Variants in CNTNAP3 observed in about 807,000 individuals in gnomAD.
CNTNAP3 encodes contactin associated protein family member 3.
Under a neutral mutation model 92.1 loss-of-function variants are expected in CNTNAP3, and 36 were observed. That is an observed-to-expected ratio of 0.39 (90% CI 0.30 to 0.52). The LOEUF (loss-of-function observed/expected upper bound fraction) is 0.52, where lower values mean the gene tolerates loss of function less well. CNTNAP3 is among the 20% of genes least tolerant of loss of function. The pLI is 0.76. For synonymous variants in CNTNAP3, 232 were observed against 422.3 expected, an observed-to-expected ratio of 0.55 and a Z score of 5.53; for missense variants, 534 against 1,069.6, an observed-to-expected ratio of 0.50 and a Z score of 6.98.
At chr9:39,108,442 G>T (rs1440162448) in intron 15 of CNTNAP3, among the ~76,000 whole-genome samples, 3 of 152,188 alleles carry the variant, frequency 2.0e-5, no homozygotes, top group African/African-American at 7.2e-5. Context: ...AGGCTCCTTG[G>T]TGAACCACCT....
chr9:39,133,250 C>A (rs1821348182), intron 12 of CNTNAP3, 115 bp from the exon 13 acceptor site: 1 of 1,317,974 alleles, frequency 7.6e-7, no homozygotes, highest in Non-Finnish European at 1.0e-6. Flanking sequence ...TACATTACTG[C>A]ATGTTTGCCG....
rs1488182884 is a variant in CNTNAP3, at chr9:39,092,594, A to T, written c.2996-3947T>A. 4.4e-5 allele frequency among the ~76,000 whole-genome samples: 6 copies of T among 137,262 alleles called. 1 individual carries two copies. The highest frequency in any genetic ancestry group is 4.2e-4 in the Admixed American group (6 of 14,218). The allele number at this position is 137,262 out of a possible 152,430, so 90.0% of individuals were successfully genotyped here. A position where few individuals can be genotyped will look rare whatever the true frequency, so the allele number is the denominator to read the frequency against. On this transcript the variant is annotated intron_variant, in intron 18 of 23. Transcript: ENST00000297668. The stretch of plus-strand genomic sequence containing the variant: ...GTGTTTTAAAAAGACCCTTCATATG[A>T]TTTCAATCCTTTTAAATGTGTTGAG...
intron 18 of CNTNAP3, among the ~76,000 whole-genome samples, chr9:39,089,436 G>A: frequency 6.6e-6 from 1 of 152,206 alleles, no homozygotes. Context: ...AGTAATGGAT[G>A]TGCCACATTT....
chr9:39,142,359 G>A (rs1317744517), intron 11 of CNTNAP3, among the ~76,000 whole-genome samples: 1 of 152,026 alleles, frequency 6.6e-6, no homozygotes, highest in African/African-American at 2.4e-5. Context: ...TGGTGTGAGA[G>A]GCCACTCAAC....
At chr9:39,137,959 A>G (rs1190930940) in intron 12 of CNTNAP3, among the ~76,000 whole-genome samples, 1 of 151,532 alleles carries the variant, frequency 6.6e-6, no homozygotes, top group Non-Finnish European at 1.5e-5. Flanking sequence ...TCCCAGGCTC[A>G]AGCGATCCTC....
At position 39,149,985 on chromosome 9, in the gene CNTNAP3, T is replaced by G. The variant is rs1224551513; in HGVS notation, c.1478-8A>C. On this transcript the variant is annotated splice_region_variant and splice_polypyrimidine_tract_variant and intron_variant, in intron 9 of 23. Transcript: ENST00000297668. ...AGCTGTTGTCCAGGCAGCCTAAATA[T>G]GAAGACAAAAATAGGACAAAAGCAA... 6.2e-7 allele frequency: 1 copy of G among 1,611,672 alleles called. No individual in the cohort carries two copies. The highest frequency in any genetic ancestry group is 1.3e-5 in the African/African-American group (1 of 74,946).
chr9:39,091,168 C>CTTTTTTTTT (rs1319060417), intron 18 of CNTNAP3, among the ~76,000 whole-genome samples: 25 of 117,884 alleles, frequency 2.1e-4, no homozygotes, highest in African/African-American at 2.9e-4. Flanking sequence ...TGTTTTTCTT[C>CTTTTTTTTT]TTCTTTTTTT....
At chr9:39,099,106 C>T (rs1188091416) in intron 18 of CNTNAP3, among the ~76,000 whole-genome samples, 1 of 151,972 alleles carries the variant, frequency 6.6e-6, no homozygotes. Flanking sequence ...TCCCGAGTAG[C>T]TGGGATGCCC....
chr9:39,161,753 T>G (rs117116462), intron 9 of CNTNAP3, among the ~76,000 whole-genome samples: 2 of 113,012 alleles, frequency 1.8e-5, no homozygotes, highest in African/African-American at 7.2e-5. Flanking sequence ...GAGGCTGAGG[T>G]GGGGGAACCT....
intron 8 of CNTNAP3, among the ~76,000 whole-genome samples, chr9:39,168,195 T>C (rs1461861339): frequency 7.1e-6 from 1 of 140,544 alleles, no homozygotes; most frequent in East Asian, 2.1e-4. Context: ...TTTTTTGTAT[T>C]TTTAGTAGAG....
rs1387633523 is a variant in CNTNAP3, at chr9:39,065,905, GTAGCTTGACTCTTA to G, written c.*7971_*7984del. ...TGTTGCAAATATTTTCTCCCAGTCT[GTAGCTTGACTCTTA>G]TTCTCTTAACAATGTATTTTAAAAG... is the stretch of plus-strand genomic sequence containing the variant. On this transcript the variant is annotated 3_prime_UTR_variant, in exon 24 of 24. Transcript: ENST00000297668. Among the ~76,000 whole-genome samples the G allele has an allele frequency of 1.3e-5, 2 of 152,142 alleles. No individual in the cohort carries two copies. Among genetic ancestry groups the G allele is most frequent in the Non-Finnish European group, 2.9e-5 (2 of 68,012 alleles).
In CNTNAP3 at chr9:39,084,964, C is replaced by T. The variant is rs576939516; in HGVS notation, c.3442+772G>A. The T allele has an allele frequency of 4.2e-5, 6 of 142,546 alleles. No individual in the cohort carries two copies. In the South Asian group the frequency reaches 1.3e-3, roughly 31 times the overall value. The allele number at this position is 142,546 out of a possible 1,614,324, so 8.8% of individuals were successfully genotyped here. A position where few individuals can be genotyped will look rare whatever the true frequency, so the allele number is the denominator to read the frequency against. ...CATCCTTGAATGAAAACATTAACAC[C>T]TTCAATTCCATGTCTCCTTTATTTG... On this transcript the variant is annotated intron_variant, in intron 21 of 23. Transcript: ENST00000297668.
rs1431238444 is a variant in CNTNAP3 at position 39,069,356 on chromosome 9, T to C, written c.*4534A>G. On this transcript the variant is annotated 3_prime_UTR_variant, in exon 24 of 24. Coordinates refer to ENST00000297668, the MANE Select transcript of CNTNAP3 (RefSeq NM_033655.5). ...ATGTGATATGAGTCATACAAAGTGC[T>C]CATGCAGTCACAGAGGTTCTATTTT... Among the ~76,000 whole-genome samples the C allele has an allele frequency of 2.0e-5, 3 of 152,296 alleles. No individual in the cohort carries two copies. Among genetic ancestry groups the C allele is most frequent in the Non-Finnish European group, 2.9e-5 (2 of 68,048 alleles).
intron 4 of CNTNAP3, among the ~76,000 whole-genome samples, chr9:39,184,026 T>C (rs1381643869): frequency 6.8e-6 from 1 of 147,708 alleles, no homozygotes; most frequent in Admixed American, 6.7e-5. Flanking sequence ...CGTGTATGTG[T>C]TCTTTTGTGT....
At chr9:39,151,787 T>C (rs986952350) in intron 9 of CNTNAP3, among the ~76,000 whole-genome samples, 2 of 147,142 alleles carry the variant, frequency 1.4e-5, no homozygotes, top group Non-Finnish European at 3.0e-5. Context: ...TTTTATCCTT[T>C]GCCTTATTTT....
chr9:39,120,980 A>C (rs2778183), intron 13 of CNTNAP3, among the ~76,000 whole-genome samples: 127 of 152,284 alleles, frequency 8.3e-4, no homozygotes, highest in African/African-American at 3.0e-3. Flanking sequence ...CATAAGGATT[A>C]CATATTTCAT....
At chr9:39,114,005 TATATACACACATATATATACACAC>T (rs1162116692) in intron 14 of CNTNAP3, among the ~76,000 whole-genome samples, 2 of 143,304 alleles carry the variant, frequency 1.4e-5, no homozygotes, top group African/African-American at 5.7e-5. Context: ...CACACACATA[TATATACACACATATATATACACAC>T]ATATATACAC....
In CNTNAP3 at chr9:39,095,056, G is replaced by A. The variant is rs1576782; in HGVS notation, c.2995+4855C>T. Reference sequence around the variant, plus strand: ...CAATGTCTAAGTCTTTCACTTTCTCGGTTAAGTTTATTTCTAAGTTTTTTA... The same window carrying A: ...CAATGTCTAAGTCTTTCACTTTCTCAGTTAAGTTTATTTCTAAGTTTTTTA... On this transcript the variant is annotated intron_variant, in intron 18 of 23. Transcript: ENST00000297668. 9.0e-4 allele frequency among the ~76,000 whole-genome samples: 136 copies of A among 151,162 alleles called. 3 individuals are homozygous for A. Among genetic ancestry groups the A allele is most frequent in the Middle Eastern group, 3.4e-3 (1 of 294 alleles).
intron 14 of CNTNAP3, among the ~76,000 whole-genome samples, chr9:39,114,527 C>G (rs538662592): frequency 6.6e-6 from 1 of 152,254 alleles, no homozygotes; most frequent in African/African-American, 2.4e-5. Flanking sequence ...ACAGCTGTAT[C>G]TGCTTTCTTT....
Sources: gnomAD v4.1 joint callset for allele counts (sites outside exome capture counted in the v4.1 genomes callset) on GRCh38, gnomAD v4.1.1 for gene constraint, MANE v1.5 for transcripts, NCBI Gene and HGNC (gene_info 2026-07-23, HGNC 2026-07-21) for gene names.